The following SEC23A variants were observed in gnomAD, a reference collection of about 807,000 sequenced individuals.
The protein encoded by SEC23A is protein transport protein Sec23A.
In SEC23A, 56 loss-of-function variants were observed where a neutral mutation model predicts 103.7. That is an observed-to-expected ratio of 0.54 (90% CI 0.44 to 0.67). The LOEUF is 0.67. Among genes scored for constraint, SEC23A ranks in the 30% least tolerant of loss-of-function variants. The pLI, the probability that SEC23A is intolerant of heterozygous loss-of-function variation, is 0.00. For missense variants in SEC23A, 784 were observed against 936.4 expected (o/e 0.84, Z 2.12); for synonymous variants, 281 against 293.0 (o/e 0.96, Z 0.42).
chr14:39,078,255 C>CA (rs1201736209), intron 7 of SEC23A, among the ~76,000 whole-genome samples: 46 of 146,594 alleles, frequency 3.1e-4, no homozygotes, highest in East Asian at 2.8e-3. Context: ...ACTCTTGTCT[C>CA]AAAAAAAAAC....
intron 1 of SEC23A, among the ~76,000 whole-genome samples, chr14:39,100,489 C>T (rs567719866): frequency 1.5e-4 from 23 of 151,840 alleles, no homozygotes; most frequent in African/African-American, 3.4e-4. Flanking sequence ...CTCGGCTCAC[C>T]GCAAACTCCT....
intron 9 of SEC23A, among the ~76,000 whole-genome samples, chr14:39,068,282 G>A (rs1453843081): frequency 2.6e-5 from 4 of 152,062 alleles, no homozygotes; most frequent in Admixed American, 2.6e-4. Context: ...ATACACTTCT[G>A]CTGGGACTGC....
At position 39,085,903 on chromosome 14, in the gene SEC23A, G is replaced by C. The variant is rs1382105411; in HGVS notation, c.687C>G (p.Phe229Leu). Reference protein sequence around the residue: ...QVQQPPPSNRFLQPVQKIDMN... With the variant: ...QVQQPPPSNRLLQPVQKIDMN... ...TGTCTATTTTCTGTACTGGTTGTAA[G>C]AATCTAAGAAACAGAATTAAATAAA... Residue 229 changes from phenylalanine to leucine, a missense_variant, in exon 7 of 20, where the codon TTC (phenylalanine) becomes TTG (leucine). Phe to Leu is a conservative substitution (Grantham distance 22). Transcript: ENST00000307712. The C allele has an allele frequency of 6.2e-7, 1 of 1,612,458 alleles. No individual in the cohort carries two copies.
chr14:39,099,856 C>A (rs1461580370), intron 1 of SEC23A, among the ~76,000 whole-genome samples: 1 of 151,880 alleles, frequency 6.6e-6, no homozygotes, highest in Non-Finnish European at 1.5e-5. Context: ...ACCCACCTGT[C>A]TTCTATTTAG....
chr14:39,084,020 T>C lies in SEC23A; in HGVS notation c.828+1742A>G, dbSNP rs559721682. ...TTTTAAAAAACATTTTTAAAAACTA[T>C]TTTGTTTTGTTTTGTTTTTGAGATG... On this transcript the variant is annotated intron_variant, in intron 7 of 19. Transcript: ENST00000307712. Among the ~76,000 whole-genome samples, 10 of 152,144 alleles carry C rather than the reference T, an allele frequency of 6.6e-5. No homozygotes were observed. In the South Asian group the frequency reaches 2.1e-3, roughly 32 times the overall value.
chr14:39,050,804 A>AAAAG (rs1302812802), intron 14 of SEC23A, among the ~76,000 whole-genome samples: 1 of 132,042 alleles, frequency 7.6e-6, no homozygotes, highest in Non-Finnish European at 1.7e-5. Context: ...AGAAGGAAAG[A>AAAAG]AAGGAAGAAA....
At chr14:39,075,226 C>T (rs1022502532) in intron 8 of SEC23A, among the ~76,000 whole-genome samples, 1 of 152,156 alleles carries the variant, frequency 6.6e-6, no homozygotes, top group Non-Finnish European at 1.5e-5. Context: ...GAATCTAAAA[C>T]CTTTTTTGAA....
rs758344003 is a variant in SEC23A at position 39,032,596 on chromosome 14, C to T, written c.*643G>A. ...AGTTGGATATTTTGTGGAAATTTCA[C>T]ATTTTTTGTCAGCTGCGGGATTGTT... is the stretch of plus-strand genomic sequence containing the variant. On this transcript the variant is annotated 3_prime_UTR_variant, in exon 20 of 20. Transcript: ENST00000307712. 6.6e-6 allele frequency: 1 copy of T among 152,572 alleles called. No individual in the cohort carries two copies. Among genetic ancestry groups the T allele is most frequent in the African/African-American group, 2.4e-5 (1 of 41,440 alleles). 9.5% of individuals were successfully genotyped at this position (152,572 alleles called of 1,614,324 possible). A position where few individuals can be genotyped will look rare whatever the true frequency, so the allele number is the denominator to read the frequency against.
chr14:39,040,257 C>T (rs182281399), intron 18 of SEC23A: 10 of 164,562 alleles, frequency 6.1e-5, no homozygotes, highest in Admixed American at 2.3e-4. Context: ...CTAAAAGCCA[C>T]AAAACCTTTT....
At chr14:39,054,375 T>G (rs954204917) in intron 14 of SEC23A, among the ~76,000 whole-genome samples, 1 of 152,160 alleles carries the variant, frequency 6.6e-6, no homozygotes, top group Non-Finnish European at 1.5e-5. Context: ...AAATCAACAC[T>G]ACTAATAACT....
At chr14:39,093,093 TC>T in intron 3 of SEC23A, 93 bp downstream of exon 3, 1 of 956,608 alleles carries the variant, frequency 1.0e-6, no homozygotes, top group Admixed American at 1.9e-5. Context: ...GGTCTCAATC[TC>T]CTGACCTCGT....
At chr14:39,097,252 C>T (rs1169458466) in intron 1 of SEC23A, among the ~76,000 whole-genome samples, 2 of 152,184 alleles carry the variant, frequency 1.3e-5, no homozygotes, top group Non-Finnish European at 2.9e-5. Flanking sequence ...ACGTAGGCAA[C>T]AGCTCTATCT....
chr14:39,070,573 G>A (rs1013033904), intron 9 of SEC23A, among the ~76,000 whole-genome samples: 1 of 152,152 alleles, frequency 6.6e-6, no homozygotes, highest in African/African-American at 2.4e-5. Context: ...CCAAAAATCA[G>A]TGCAATATAC....
chr14:39,050,488 A>C (rs1440718551), intron 14 of SEC23A, among the ~76,000 whole-genome samples: 2 of 152,212 alleles, frequency 1.3e-5, no homozygotes, highest in African/African-American at 4.8e-5. Flanking sequence ...GGAAAGTCCC[A>C]ATAGTCTTAA....
chr14:39,053,428 A>G (rs944168675), intron 14 of SEC23A, among the ~76,000 whole-genome samples: 1 of 152,208 alleles, frequency 6.6e-6, no homozygotes, highest in African/African-American at 2.4e-5. Context: ...TCTGGAAACA[A>G]AAGATCCACC....
At chr14:39,059,278 T>TAAAAAAAAAAAAAAAAAAAAAA (rs750853379) in intron 13 of SEC23A, among the ~76,000 whole-genome samples, 2 of 71,824 alleles carry the variant, frequency 2.8e-5, no homozygotes, top group Non-Finnish European at 2.6e-5. Flanking sequence ...AGTCCTAGTT[T>TAAAAAAAAAAAAAAAAAAAAAA]AAAAAAAAAA....
chr14:39,077,115 C>T (rs1179643926), intron 7 of SEC23A, among the ~76,000 whole-genome samples: 1 of 148,348 alleles, frequency 6.7e-6, no homozygotes, highest in African/African-American at 2.5e-5. Flanking sequence ...GTAGTCCCAG[C>T]TACTCAGGAA....
intron 16 of SEC23A, 128 bp downstream of exon 16, chr14:39,045,035 T>C: frequency 1.3e-6 from 1 of 783,524 alleles, no homozygotes; most frequent in South Asian, 1.5e-5. Context: ...ATTAATAGGT[T>C]GAGATGTCCA....
intron 2 of SEC23A, 63 bp downstream of exon 2, chr14:39,095,835 C>T: frequency 1.6e-6 from 2 of 1,257,404 alleles, no homozygotes; most frequent in Middle Eastern, 1.9e-4. Flanking sequence ...TAAAAATATG[C>T]AGAAAAACCC....
Sources: allele counts gnomAD v4.1 joint callset (sites outside exome capture counted in the v4.1 genomes callset), GRCh38; gene constraint gnomAD v4.1.1; transcripts MANE v1.5; gene names NCBI Gene and HGNC (gene_info 2026-07-23, HGNC 2026-07-21).